Variants in ALK observed in about 807,000 individuals in gnomAD.
The protein encoded by ALK is ALK receptor tyrosine kinase, also known as ALK tyrosine kinase receptor.
A neutral mutation model predicts 163.1 loss-of-function variants in ALK; 74 were observed. That is an observed-to-expected ratio of 0.45 (90% CI 0.38 to 0.55). ALK has a LOEUF of 0.55. ALK is among the 20% of genes least tolerant of loss of function. The pLI is 0.00. For synonymous variants in ALK, 960 were observed against 843.2 expected, an observed-to-expected ratio of 1.14 and a Z score of -2.40; for missense variants, 2,063 against 2,105.3, an observed-to-expected ratio of 0.98 and a Z score of 0.39.
intron 1 of ALK, among the ~76,000 whole-genome samples, chr2:29,917,091 C>T (rs772633748): frequency 6.6e-5 from 10 of 152,200 alleles, no homozygotes; most frequent in African/African-American, 1.2e-4. Flanking sequence ...AGCAATGCAA[C>T]GGTTTTGCTT....
At chr2:29,328,509 G>A in intron 5 of ALK, 28 bp from the exon 6 acceptor site, 17 of 1,613,946 alleles carry the variant, frequency 1.1e-5, no homozygotes, top group East Asian at 2.2e-5. Flanking sequence ...ACACAACCAT[G>A]GTAAGTTTGC....
intron 3 of ALK, among the ~76,000 whole-genome samples, chr2:29,568,268 G>T (rs1186862105): frequency 6.6e-6 from 1 of 152,208 alleles, no homozygotes; most frequent in Non-Finnish European, 1.5e-5. Flanking sequence ...ATTACCTTTT[G>T]CAGTGACTGA....
intron 5 of ALK, among the ~76,000 whole-genome samples, chr2:29,362,500 G>C (rs1668409919): frequency 2.0e-5 from 3 of 152,216 alleles, no homozygotes; most frequent in East Asian, 3.9e-4. Flanking sequence ...ACAGTTACGG[G>C]AATCTATCAG....
At chr2:29,780,568 A>G (rs1681305835) in intron 1 of ALK, among the ~76,000 whole-genome samples, 1 of 152,238 alleles carries the variant, frequency 6.6e-6, no homozygotes, top group African/African-American at 2.4e-5. Flanking sequence ...TAACTGCAAC[A>G]TGACAGGGTC....
intron 1 of ALK, among the ~76,000 whole-genome samples, chr2:29,779,497 C>T (rs924124755): frequency 8.5e-5 from 13 of 152,304 alleles, no homozygotes; most frequent in South Asian, 2.1e-4. Context: ...CTCCTGAGTC[C>T]GAATTCAAGC....
At chr2:29,416,980 T>C (rs1322670342) in intron 4 of ALK, among the ~76,000 whole-genome samples, 3 of 50,296 alleles carry the variant, frequency 6.0e-5, no homozygotes, top group African/African-American at 2.1e-4. Flanking sequence ...TGTTTGATGC[T>C]TTTTTTTTTT....
At chr2:29,284,106 A>G (rs2148221510) in intron 9 of ALK, among the ~76,000 whole-genome samples, 1 of 152,360 alleles carries the variant, frequency 6.6e-6, no homozygotes, top group South Asian at 2.1e-4. Flanking sequence ...AAAGACTTAA[A>G]ATAATGAAAA....
intron 3 of ALK, among the ~76,000 whole-genome samples, chr2:29,649,803 C>G (rs184167032): frequency 4.1e-4 from 63 of 152,234 alleles, no homozygotes; most frequent in Admixed American, 2.7e-3. Flanking sequence ...TTCTCTCCTT[C>G]AGTTGACTCA....
At chr2:29,715,057 C>A (rs550080308) in intron 2 of ALK, among the ~76,000 whole-genome samples, 2 of 152,326 alleles carry the variant, frequency 1.3e-5, no homozygotes, top group East Asian at 3.9e-4. Context: ...AGGGAAGGGC[C>A]AACCCTTACC....
At chr2:29,221,097 T>G in intron 22 of ALK, 1 of 611,514 alleles carries the variant, frequency 1.6e-6, no homozygotes, top group Non-Finnish European at 3.2e-6. Flanking sequence ...CTCAGGCACT[T>G]GGGTGAGGAA....
intron 3 of ALK, among the ~76,000 whole-genome samples, chr2:29,577,583 G>A (rs545826091): frequency 7.9e-4 from 121 of 152,304 alleles, no homozygotes; most frequent in African/African-American, 2.8e-3. Flanking sequence ...AAAAGGAGAT[G>A]AGGGCCCTGC....
intron 5 of ALK, among the ~76,000 whole-genome samples, chr2:29,381,249 A>G (rs1055255888): frequency 2.0e-5 from 3 of 152,278 alleles, no homozygotes; most frequent in Non-Finnish European, 4.4e-5. Flanking sequence ...TAAAGCTTGC[A>G]TGATGTAACA....
intron 24 of ALK, 84 bp from the exon 25 acceptor site, chr2:29,209,962 G>T: frequency 9.1e-7 from 1 of 1,103,336 alleles, no homozygotes; most frequent in Non-Finnish European, 1.4e-6. Flanking sequence ...TTATCTCCAA[G>T]CTGAAGTTTA....
At chr2:29,343,497 G>A (rs1407870532) in intron 5 of ALK, among the ~76,000 whole-genome samples, 1 of 152,124 alleles carries the variant, frequency 6.6e-6, no homozygotes, top group Non-Finnish European at 1.5e-5. Flanking sequence ...TGATAGGCAT[G>A]AGCCACCGCA....
rs61414034 is a variant in ALK at position 29,336,822 on chromosome 2, C to T, written c.1283-8341G>A. Among the ~76,000 whole-genome samples the T allele has an allele frequency of 1.0e-2, 1,522 of 152,288 alleles. 38 individuals are homozygous for T. The highest frequency in any genetic ancestry group is 0.034 in the African/African-American group (1,418 of 41,542). ...AAAAAGGCACATTTCTATCAGCTTT[C>T]TGGCCATCTCCTACCTGCTTGCTCT... On this transcript the variant is annotated intron_variant, in intron 5 of 28. Coordinates refer to ENST00000389048, the MANE Select transcript of ALK (RefSeq NM_004304.5).
At position 29,320,767 on chromosome 2, in the gene ALK, C is replaced by T. The variant is rs2148250869; in HGVS notation, c.1530G>A (p.Arg510=). ...CAGTAGTACCTTGGTGGTCCTGGAA[C>T]CGGGCATCCTTTAGGGTCCTGACCT... ...QWQVRTLKDA[R]FQDHQDHALL... The change falls in exon 7 of 29, where the codon CGG becomes CGA. Residue 510 remains arginine (R), a synonymous_variant. Transcript: ENST00000389048. 3.7e-6 allele frequency: 6 copies of T among 1,613,926 alleles called. No homozygotes were observed. The highest frequency in any genetic ancestry group is 4.2e-6 in the Non-Finnish European group (5 of 1,180,004).
Position 29,735,480 on chromosome 2 carries a change from T to C in ALK, c.668-17783A>G, listed in dbSNP as rs987508207. 3.3e-5 allele frequency among the ~76,000 whole-genome samples: 5 copies of C among 152,082 alleles called. No individual in the cohort carries two copies. The South Asian group carries it at 1.0e-3, about 32-fold the overall frequency. Reference sequence around the variant, plus strand: ...ATAGTAATAGTAGTAGTAAGAGTAGTAGTAATAATAATTGTTATTGCATAC... The same window carrying C: ...ATAGTAATAGTAGTAGTAAGAGTAGCAGTAATAATAATTGTTATTGCATAC... On this transcript the variant is annotated intron_variant, in intron 1 of 28. Transcript: ENST00000389048.
At chr2:29,654,664 T>G (rs1284828677) in intron 3 of ALK, among the ~76,000 whole-genome samples, 1 of 152,170 alleles carries the variant, frequency 6.6e-6, no homozygotes, top group African/African-American at 2.4e-5. Flanking sequence ...GATGGAAATT[T>G]TAGAGGTCTA....
chr2:29,396,836 GTTTTTT>G (rs10654058), intron 4 of ALK, among the ~76,000 whole-genome samples: 4 of 46,604 alleles, frequency 8.6e-5, no homozygotes, highest in African/African-American at 9.3e-5. Context: ...TGTTACTATG[GTTTTTT>G]TTTTTTTTTT....
Sources: gnomAD v4.1 joint callset for allele counts (sites outside exome capture counted in the v4.1 genomes callset) on GRCh38, gnomAD v4.1.1 for gene constraint, MANE v1.5 for transcripts, NCBI Gene and HGNC (gene_info 2026-07-23, HGNC 2026-07-21) for gene names.